The following CDK2AP1 variants were observed in gnomAD, a reference collection of about 807,000 sequenced individuals.
CDK2AP1 encodes cyclin dependent kinase 2 associated protein 1, also known as cyclin-dependent kinase 2-associated protein 1.
Under a neutral mutation model 14.1 loss-of-function variants are expected in CDK2AP1, and 10 were observed. The observed-to-expected ratio is 0.71, with a 90% confidence interval of 0.44 to 1.20. The LOEUF is 1.20. Among genes scored for constraint, CDK2AP1 ranks in the 50% most tolerant of loss-of-function variants. CDK2AP1 has a pLI of 0.00. For missense variants in CDK2AP1, 102 were observed against 149.9 expected (o/e 0.68, Z 1.67); for synonymous variants, 59 against 59.8 (o/e 0.99, Z 0.06).
At chr12:123,269,273 G>T (rs1040091611) in intron 1 of CDK2AP1, 3 of 152,312 alleles carry the variant, frequency 2.0e-5, no homozygotes, top group Non-Finnish European at 4.4e-5. Context: ...ACTATTTGAT[G>T]ATACTGGGGT....
chr12:123,265,198 C>T lies in CDK2AP1; in HGVS notation c.278G>A (p.Arg93His). The part of the protein sequence containing the change: ...GSKSAMERLK[R>H]GIIHARGLVR... ...CAGGGCAGCGGGGCCGGGCTTACCG[C>T]GCTTCAGCCTCTCCATGGCACTCTT... Residue 93 changes from arginine (R) to histidine (H), a missense_variant and splice_region_variant, in exon 3 of 4, where the codon CGC becomes CAC. By Grantham distance (29) the Arg-to-His change is conservative. This residue lies in a region of CDK2AP1 where 52 missense variants were observed against 107.2 expected (regional missense o/e 0.48). Transcript: ENST00000261692. This position sits in a 1 kb window ranked among gnomAD's most constrained non-coding sequence, Gnocchi z 5.3. The T allele has an allele frequency of 1.2e-6, 2 of 1,614,170 alleles. No homozygotes were observed. The highest frequency in any genetic ancestry group is 8.5e-7 in the Non-Finnish European group (1 of 1,180,022).
At chr12:123,264,190 G>C (rs1333645741) in intron 3 of CDK2AP1, among the ~76,000 whole-genome samples, 2 of 151,962 alleles carry the variant, frequency 1.3e-5, no homozygotes, top group Non-Finnish European at 2.9e-5. Context: ...CGGGCGTGGT[G>C]GCTCACGCCT....
At chr12:123,270,245 C>A (rs1478952479) in intron 1 of CDK2AP1, 7 of 977,106 alleles carry the variant, frequency 7.2e-6, no homozygotes, top group Non-Finnish European at 8.5e-6. Context: ...GAGAAAAAAA[C>A]AGTGGCTGTT....
intron 1 of CDK2AP1, chr12:123,267,571 T>G: frequency 2.7e-6 from 1 of 364,174 alleles, no homozygotes; most frequent in Non-Finnish European, 5.3e-6. Context: ...GATAAAATTA[T>G]TGCCACTCCT....
At chr12:123,269,560 G>T (rs970397815) in intron 1 of CDK2AP1, among the ~76,000 whole-genome samples, 3 of 152,256 alleles carry the variant, frequency 2.0e-5, no homozygotes, top group Non-Finnish European at 4.4e-5. Flanking sequence ...GCAGGAGCGA[G>T]GGGTTGGCAG....
intron 1 of CDK2AP1, chr12:123,270,957 C>T (rs2048348365): frequency 4.1e-6 from 4 of 984,746 alleles, no homozygotes; most frequent in Non-Finnish European, 4.8e-6. Context: ...GCCCCCGGGC[C>T]TCCGAGTACG....
rs763206020 is a variant in CDK2AP1, at chr12:123,265,825, A to G, written c.154-503T>C. Among the ~76,000 whole-genome samples the G allele has an allele frequency of 1.3e-5, 2 of 152,178 alleles. No individual in the cohort carries two copies. Among genetic ancestry groups the G allele is most frequent in the Non-Finnish European group, 2.9e-5 (2 of 68,022 alleles). ...CCAAACAGCATTTCCCAGGATGCAG[A>G]TGGATGGGAGGGCACATCCCAGGTG... is the stretch of plus-strand genomic sequence containing the variant. On this transcript the variant is annotated intron_variant, in intron 2 of 3. Transcript: ENST00000261692. The surrounding 1 kb of genome is among the most constrained non-coding windows in gnomAD (Gnocchi z 5.3).
intron 1 of CDK2AP1, among the ~76,000 whole-genome samples, chr12:123,270,582 G>A (rs571935032): frequency 6.6e-6 from 1 of 152,160 alleles, no homozygotes; most frequent in African/African-American, 2.4e-5. Context: ...GCCCCAGTGA[G>A]GTCACAAAGC....
At chr12:123,266,646 G>A (rs996488027) in intron 2 of CDK2AP1, among the ~76,000 whole-genome samples, 11 of 152,220 alleles carry the variant, frequency 7.2e-5, no homozygotes, top group East Asian at 3.8e-4. Flanking sequence ...TGAGGAGCCC[G>A]GGTCTTGGGC....
intron 2 of CDK2AP1, among the ~76,000 whole-genome samples, chr12:123,266,497 A>C (rs1251970400): frequency 1.3e-5 from 2 of 152,262 alleles, no homozygotes; most frequent in Admixed American, 1.3e-4. Flanking sequence ...GGGCCCAGCC[A>C]GGGAGAGCAT....
Position 123,271,565 on chromosome 12 carries a change from G to C in CDK2AP1, c.54C>G (p.Ala18=), listed in dbSNP as rs960604491. 2.3e-5 allele frequency: 23 copies of C among 1,007,546 alleles called. No individual in the cohort carries two copies. The highest frequency in any genetic ancestry group is 2.6e-5 in the Non-Finnish European group (22 of 845,340). 62.4% of individuals were successfully genotyped at this position (1,007,546 alleles called of 1,614,324 possible). A position where few individuals can be genotyped will look rare whatever the true frequency, so the allele number is the denominator to read the frequency against. ...AAHMPAAALN[A]AGSVHSPSTS... The stretch of plus-strand genomic sequence containing the variant: ...GCGCGTCGCACGCGGCTCACTCACC[G>C]GCGTTGAGGGCGGCGGCGGGCATGT... The change falls in exon 1 of 4, where the codon GCC becomes GCG. Residue 18 remains alanine (A), a splice_region_variant and synonymous_variant. Transcript: ENST00000261692.
At chr12:123,268,741 G>C (rs1216175732) in intron 1 of CDK2AP1, among the ~76,000 whole-genome samples, 4 of 152,190 alleles carry the variant, frequency 2.6e-5, no homozygotes, top group Non-Finnish European at 5.9e-5. Flanking sequence ...GCTTGGGAGG[G>C]GGACGCACAA....
At chr12:123,271,065 G>A (rs1036933863) in intron 1 of CDK2AP1, 1 of 227,718 alleles carries the variant, frequency 4.4e-6, no homozygotes, top group African/African-American at 2.5e-5. Context: ...CAGCCCCGCA[G>A]CCCTCCATCC....
chr12:123,266,258 G>GGCCTCCCGCCTGTCCTGGC, intron 2 of CDK2AP1, among the ~76,000 whole-genome samples: 1 of 152,322 alleles, frequency 6.6e-6, no homozygotes. Flanking sequence ...AGGCCTCACG[G>GGCCTCCCGCCTGTCCTGGC]GCCTCCCGCC....
At position 123,261,766 on chromosome 12, in the gene CDK2AP1, C is replaced by T. The variant is rs375017904; in HGVS notation, c.318G>A (p.Leu106=). Residue 106 remains leucine, a synonymous_variant, in exon 4 of 4, where the codon TTG becomes TTA. Coordinates refer to ENST00000261692, the MANE Select transcript of CDK2AP1 (RefSeq NM_004642.4). ...ATCTGGCATTCCGTTCCGTTTCTGC[C>T]AAGCACTCCCGAACCAGTCCTCTAG... ...IHARGLVREC[L]AETERNARS is the part of the protein sequence containing the mutation. 7.4e-6 allele frequency: 12 copies of T among 1,613,864 alleles called. No homozygotes were observed. The highest frequency in any genetic ancestry group is 1.0e-5 in the Non-Finnish European group (12 of 1,179,920).
intron 1 of CDK2AP1, chr12:123,270,902 G>C (rs367785413): frequency 3.0e-6 from 3 of 985,162 alleles, no homozygotes. Context: ...GGGGGTCCCC[G>C]CGTGACCGCA....
At position 123,267,285 on chromosome 12, in the gene CDK2AP1, G is replaced by A. The variant is rs761767658; in HGVS notation, c.56-3C>T. The stretch of plus-strand genomic sequence containing the variant: ...GGAAGGCGAGTGGACACTCCCAGCT[G>A]TGGGGTGGGGAGAGAGAGGCCAGGA... On this transcript the variant is annotated splice_region_variant and splice_polypyrimidine_tract_variant and intron_variant, in intron 1 of 3. Transcript: ENST00000261692. 1 of 1,596,266 alleles carries A rather than the reference G, an allele frequency of 6.3e-7. No individual in the cohort carries two copies. Among genetic ancestry groups the A allele is most frequent in the Admixed American group, 1.7e-5 (1 of 59,968 alleles).
chr12:123,270,011 C>T (rs1457381099), intron 1 of CDK2AP1, among the ~76,000 whole-genome samples: 1 of 152,092 alleles, frequency 6.6e-6, no homozygotes, highest in Non-Finnish European at 1.5e-5. Context: ...CTTCAGGGGT[C>T]CCCGTGAGTG....
chr12:123,262,639 G>A (rs991642301), intron 3 of CDK2AP1, among the ~76,000 whole-genome samples: 10 of 152,154 alleles, frequency 6.6e-5, no homozygotes, highest in Admixed American at 3.3e-4. Flanking sequence ...GCAGTGGCAC[G>A]ATCACAGCTC....
Sources: gnomAD v4.1 joint callset for allele counts (sites outside exome capture counted in the v4.1 genomes callset) on GRCh38, gnomAD v4.1.1 for gene constraint, gnomAD v4.1.1 regional missense constraint, Gnocchi (gnomAD v3.1) non-coding constraint, MANE v1.5 for transcripts, NCBI Gene and HGNC (gene_info 2026-07-23, HGNC 2026-07-21) for gene names.